Variants in PTPRD observed in about 807,000 individuals in gnomAD.
PTPRD encodes receptor-type tyrosine-protein phosphatase delta.
A neutral mutation model predicts 214.5 loss-of-function variants in PTPRD; 34 were observed. The ratio of observed to expected loss-of-function variants is 0.16; its 90% confidence interval spans 0.12 to 0.21. The LOEUF is 0.21. Ranked by LOEUF, PTPRD falls within the 10% of genes least tolerant of loss-of-function variation. PTPRD has a pLI of 1.00. For missense variants in PTPRD, 2,545 were observed against 2,398.7 expected (o/e 1.06, Z -1.27); for synonymous variants, 1,128 against 845.7 (o/e 1.33, Z -5.79).
At position 9,078,738 on chromosome 9, in the gene PTPRD, G is replaced by C. The variant is rs10125590; in HGVS notation, c.-142-60003C>G. On this transcript the variant is annotated intron_variant, in intron 10 of 45. Coordinates refer to ENST00000381196, the MANE Select transcript of PTPRD (RefSeq NM_002839.4). ...CTATCAGCAATATGGTTGCAACAGAGGACCCAGTCGATCCTGCAGTGAGCT... is the reference window on the plus strand; with the variant it reads ...CTATCAGCAATATGGTTGCAACAGACGACCCAGTCGATCCTGCAGTGAGCT... 7.4e-3 allele frequency among the ~76,000 whole-genome samples: 1,121 copies of C among 152,168 alleles called. 26 individuals are homozygous for C. Among genetic ancestry groups the C allele is most frequent in the African/African-American group, 0.026 (1,065 of 41,534 alleles).
At chr9:8,616,203 G>C (rs988042614) in intron 14 of PTPRD, among the ~76,000 whole-genome samples, 19 of 152,000 alleles carry the variant, frequency 1.3e-4, no homozygotes, top group African/African-American at 4.6e-4. Context: ...TGGACCATCA[G>C]TACAAATCAA....
intron 8 of PTPRD, among the ~76,000 whole-genome samples, chr9:9,484,087 C>G (rs1026495203): frequency 1.3e-5 from 2 of 151,164 alleles, no homozygotes; most frequent in Non-Finnish European, 2.9e-5. Flanking sequence ...AAAGAAAAAT[C>G]TTTAAGAATT....
chr9:9,827,093 G>A (rs2053156927), intron 5 of PTPRD, among the ~76,000 whole-genome samples: 1 of 152,066 alleles, frequency 6.6e-6, no homozygotes, highest in Non-Finnish European at 1.5e-5. Flanking sequence ...GTAATTGACA[G>A]ACTCAATGCC....
chr9:9,275,119 TTATATATATTATATATAA>T (rs1594976146), intron 9 of PTPRD, among the ~76,000 whole-genome samples: 1 of 53,498 alleles, frequency 1.9e-5, no homozygotes, highest in East Asian at 5.2e-4. Context: ...TATATATATA[TTATATATATTATATATAA>T]TATATATATA....
chr9:10,603,522 T>C (rs1245346999), intron 2 of PTPRD, among the ~76,000 whole-genome samples: 2 of 151,946 alleles, frequency 1.3e-5, no homozygotes, highest in Admixed American at 6.6e-5. Context: ...CGTACTAATA[T>C]GCACATCTGG....
intron 14 of PTPRD, among the ~76,000 whole-genome samples, chr9:8,628,966 C>T (rs536678865): frequency 2.6e-5 from 4 of 151,696 alleles, no homozygotes; most frequent in African/African-American, 9.7e-5. Context: ...TATATCATAC[C>T]CTGTTCTGTT....
chr9:8,948,854 T>C (rs2099086677), intron 11 of PTPRD, among the ~76,000 whole-genome samples: 1 of 151,538 alleles, frequency 6.6e-6, no homozygotes, highest in Non-Finnish European at 1.5e-5. Context: ...ATAGAAGTAA[T>C]TTAGGCCACA....
intron 2 of PTPRD, among the ~76,000 whole-genome samples, chr9:10,566,358 G>A (rs1388155518): frequency 6.6e-6 from 1 of 151,948 alleles, no homozygotes; most frequent in Non-Finnish European, 1.5e-5. Flanking sequence ...TTACAAAAAG[G>A]ATGTGCCAAT....
intron 12 of PTPRD, among the ~76,000 whole-genome samples, chr9:8,640,857 T>C (rs546138276): frequency 7.5e-5 from 10 of 133,252 alleles, no homozygotes; most frequent in Admixed American, 4.1e-4. Flanking sequence ...CAAGATAATA[T>C]AGTAAAATCC....
intron 10 of PTPRD, among the ~76,000 whole-genome samples, chr9:9,173,315 T>G (rs2099922599): frequency 6.6e-6 from 1 of 152,206 alleles, no homozygotes; most frequent in Non-Finnish European, 1.5e-5. Flanking sequence ...ATTTCAAGTC[T>G]GGTATTCAGC....
chr9:8,621,921 T>C (rs1482258129), intron 14 of PTPRD, among the ~76,000 whole-genome samples: 3 of 151,986 alleles, frequency 2.0e-5, no homozygotes, highest in Non-Finnish European at 4.4e-5. Context: ...TATATGCTAA[T>C]GGCCTTTCCT....
rs984684848 is a variant in PTPRD, at chr9:8,572,751, C to T, written c.353-43972G>A. On this transcript the variant is annotated intron_variant, in intron 14 of 45. Coordinates refer to ENST00000381196, the MANE Select transcript of PTPRD (RefSeq NM_002839.4). ...TTAACTTGAAAAAAATAAAAAACAACGTAGCACATTTCCACTACCTAACTT... is the reference window on the plus strand; with the variant it reads ...TTAACTTGAAAAAAATAAAAAACAATGTAGCACATTTCCACTACCTAACTT... Among the ~76,000 whole-genome samples, 8 of 151,894 alleles carry T rather than the reference C, an allele frequency of 5.3e-5. No homozygotes were observed. In the East Asian group the frequency reaches 5.8e-4, roughly 11 times the overall value.
intron 11 of PTPRD, among the ~76,000 whole-genome samples, chr9:8,904,067 T>C (rs1215385814): frequency 6.6e-6 from 1 of 152,234 alleles, no homozygotes; most frequent in African/African-American, 2.4e-5. Flanking sequence ...GTTGCAATAA[T>C]GCTACAGTGA....
chr9:9,178,075 A>G (rs1313268623), intron 10 of PTPRD, among the ~76,000 whole-genome samples: 1 of 152,158 alleles, frequency 6.6e-6, no homozygotes, highest in Non-Finnish European at 1.5e-5. Context: ...ACTAAGGATA[A>G]AAAAGGCAGG....
At chr9:9,048,909 A>G (rs1401682032) in intron 10 of PTPRD, among the ~76,000 whole-genome samples, 1 of 152,210 alleles carries the variant, frequency 6.6e-6, no homozygotes, top group Non-Finnish European at 1.5e-5. Context: ...CTGTATCAAA[A>G]CATCTCATGT....
intron 6 of PTPRD, among the ~76,000 whole-genome samples, chr9:9,743,125 AT>A (rs1225464150): frequency 1.3e-5 from 2 of 152,124 alleles, no homozygotes; most frequent in Non-Finnish European, 2.9e-5. Flanking sequence ...TCCCCCTGCA[AT>A]GGCTCATGAG....
chr9:10,390,817 G>C (rs1269702631), intron 2 of PTPRD, among the ~76,000 whole-genome samples: 2 of 151,766 alleles, frequency 1.3e-5, no homozygotes, highest in Non-Finnish European at 2.9e-5. Context: ...CTAGACTTGA[G>C]CCTAAACTTA....
At chr9:8,961,488 C>G (rs540207115) in intron 11 of PTPRD, among the ~76,000 whole-genome samples, 1 of 152,078 alleles carries the variant, frequency 6.6e-6, no homozygotes, top group Non-Finnish European at 1.5e-5. Flanking sequence ...GCCTTGCACC[C>G]GCAAATATCA....
At chr9:10,098,420 C>A (rs986488319) in intron 3 of PTPRD, among the ~76,000 whole-genome samples, 1 of 151,400 alleles carries the variant, frequency 6.6e-6, no homozygotes, top group Non-Finnish European at 1.5e-5. Flanking sequence ...GTGCAGCACA[C>A]CAACATGGCA....
Sources: gnomAD v4.1 joint callset for allele counts (sites outside exome capture counted in the v4.1 genomes callset) on GRCh38, gnomAD v4.1.1 for gene constraint, MANE v1.5 for transcripts, NCBI Gene and HGNC (gene_info 2026-07-23, HGNC 2026-07-21) for gene names.